Variants in PLCH1 observed in about 807,000 individuals in gnomAD.
PLCH1 encodes the protein 1-phosphatidylinositol 4,5-bisphosphate phosphodiesterase eta-1.
PLCH1 carries 60 observed loss-of-function variants against 126.7 expected under a neutral mutation model. The observed-to-expected ratio is 0.47, with a 90% confidence interval of 0.38 to 0.59. The LOEUF is 0.59. Among genes scored for constraint, PLCH1 ranks in the 20% least tolerant of loss-of-function variants. The pLI, the probability that PLCH1 is intolerant of heterozygous loss-of-function variation, is 0.00. For synonymous variants in PLCH1, 719 were observed against 734.9 expected (o/e 0.98, Z 0.35); for missense variants, 1,723 against 2,040.0 (o/e 0.84, Z 2.99).
At chr3:155,580,136 C>G (rs1156772417) in intron 6 of PLCH1, among the ~76,000 whole-genome samples, 1 of 152,146 alleles carries the variant, frequency 6.6e-6, no homozygotes, top group Non-Finnish European at 1.5e-5. Flanking sequence ...TAAAAGTGAT[C>G]CATTTAATAA....
intron 8 of PLCH1, among the ~76,000 whole-genome samples, chr3:155,558,636 T>C (rs1192732892): frequency 6.6e-6 from 1 of 152,234 alleles, no homozygotes; most frequent in African/African-American, 2.4e-5. Flanking sequence ...TTTTACTGTA[T>C]CACCTTTCCT....
At chr3:155,469,224 G>A (rs887236512) in intron 21 of PLCH1, among the ~76,000 whole-genome samples, 5 of 152,162 alleles carry the variant, frequency 3.3e-5, no homozygotes, top group Admixed American at 6.5e-5. Context: ...TGTGCGCACC[G>A]TGTGCGAGCC....
chr3:155,645,762 T>C (rs984396896), intron 2 of PLCH1, among the ~76,000 whole-genome samples: 1 of 151,948 alleles, frequency 6.6e-6, no homozygotes, highest in Non-Finnish European at 1.5e-5. Flanking sequence ...CACAGTTCCC[T>C]AGAAACAGGA....
intron 10 of PLCH1, among the ~76,000 whole-genome samples, chr3:155,531,512 C>A (rs1722670480): frequency 6.6e-6 from 1 of 152,202 alleles, no homozygotes; most frequent in South Asian, 2.1e-4. Context: ...GTAATCCCAG[C>A]TACTTGGGAA....
chr3:155,527,770 A>C (rs552158785), intron 10 of PLCH1, among the ~76,000 whole-genome samples: 3 of 152,018 alleles, frequency 2.0e-5, no homozygotes, highest in East Asian at 3.9e-4. Flanking sequence ...AAATACAAAA[A>C]TTAGCCAGGC....
intron 8 of PLCH1, 87 bp downstream of exon 8, chr3:155,564,828 G>A: frequency 1.3e-6 from 1 of 789,928 alleles, no homozygotes; most frequent in Non-Finnish European, 2.2e-6. Flanking sequence ...GTGTGTTTTA[G>A]GTCTCCATTC....
chr3:155,511,787 G>A (rs528900672), intron 12 of PLCH1, among the ~76,000 whole-genome samples: 5 of 150,600 alleles, frequency 3.3e-5, no homozygotes, highest in African/African-American at 9.8e-5. Context: ...AGTCTGCAGA[G>A]GTTACTGCTG....
chr3:155,640,441 G>A (rs1429086009), intron 2 of PLCH1, among the ~76,000 whole-genome samples: 1 of 152,102 alleles, frequency 6.6e-6, no homozygotes, highest in Non-Finnish European at 1.5e-5. Context: ...GCCACTGAAC[G>A]TTTTAAGCAG....
Position 155,554,162 on chromosome 3 carries a change from T to C in PLCH1, c.1104A>G (p.Val368=), listed in dbSNP as rs754907886. 1.2e-5 allele frequency: 19 copies of C among 1,613,590 alleles called. No individual in the cohort carries two copies. The highest frequency in any genetic ancestry group is 1.4e-5 in the Non-Finnish European group (17 of 1,179,656). Residue 368 remains valine, a synonymous_variant, in exon 9 of 23, where the codon GTA becomes GTG. Coordinates refer to ENST00000460012, the MANE Select transcript of PLCH1 (RefSeq NM_014996.4). ...AAGTGAGAGTGTAACCATGATGTAC[T>C]ACTGGCTCTCCATCTGGGCCATCCC... The part of the protein sequence containing the change: ...DCWDGPDGEP[V]VHHGYTLTSK...
chr3:155,683,273 G>T lies in PLCH1; in HGVS notation c.79+20873C>A, dbSNP rs529803341. On this transcript the variant is annotated intron_variant, in intron 2 of 22. Coordinates refer to ENST00000460012, the MANE Select transcript of PLCH1 (RefSeq NM_014996.4). ...AGACTCTTGGTTTTCATTATTTTTT[G>T]AAAGACTTGATTGTTTATTGGTCAT... Among the ~76,000 whole-genome samples the T allele has an allele frequency of 9.2e-5, 14 of 152,148 alleles. No individual in the cohort carries two copies. In the South Asian group the frequency reaches 2.7e-3, roughly 29 times the overall value.
At chr3:155,455,886 A>G (rs1248176184) in intron 21 of PLCH1, among the ~76,000 whole-genome samples, 1 of 152,228 alleles carries the variant, frequency 6.6e-6, no homozygotes, top group African/African-American at 2.4e-5. Context: ...TGAAAGCACA[A>G]TCACAAATGA....
At chr3:155,707,024 C>A (rs755346702) in intron 1 of PLCH1, among the ~76,000 whole-genome samples, 3 of 152,090 alleles carry the variant, frequency 2.0e-5, no homozygotes, top group Non-Finnish European at 4.4e-5. Context: ...AGTCTCCACC[C>A]TTATGATTAG....
chr3:155,692,718 C>T (rs1303217927), intron 2 of PLCH1, among the ~76,000 whole-genome samples: 1 of 152,056 alleles, frequency 6.6e-6, no homozygotes, highest in Non-Finnish European at 1.5e-5. Flanking sequence ...TCATTCTCCT[C>T]ATTAGCGAAA....
intron 10 of PLCH1, among the ~76,000 whole-genome samples, chr3:155,537,091 A>C (rs919804373): frequency 6.6e-6 from 1 of 151,952 alleles, no homozygotes; most frequent in South Asian, 2.1e-4. Flanking sequence ...AAATAAGGGA[A>C]AGATAAAGTC....
chr3:155,553,130 T>C, intron 9 of PLCH1, among the ~76,000 whole-genome samples: 1 of 152,170 alleles, frequency 6.6e-6, no homozygotes, highest in East Asian at 1.9e-4. Context: ...TTTTTATTTT[T>C]CTGAGATGGA....
At chr3:155,610,534 G>A (rs998650560) in intron 2 of PLCH1, among the ~76,000 whole-genome samples, 3 of 152,076 alleles carry the variant, frequency 2.0e-5, no homozygotes, top group African/African-American at 4.8e-5. Flanking sequence ...AACCCTATAA[G>A]CTAGTAGAAA....
chr3:155,554,247 T>G lies in PLCH1; in HGVS notation c.1070-51A>C, dbSNP rs1420674371. 1.9e-6 allele frequency: 3 copies of G among 1,576,946 alleles called. No homozygotes were observed. The African/African-American group carries it at 4.1e-5, about 21-fold the overall frequency. ...ACAACCCAAAGTCTCTGGTGTTTATTAATATTTCTGGAAATACCAGACACA... is the reference window on the plus strand; with the variant it reads ...ACAACCCAAAGTCTCTGGTGTTTATGAATATTTCTGGAAATACCAGACACA... On this transcript the variant is annotated intron_variant, in intron 8 of 22. Transcript: ENST00000460012.
At chr3:155,451,067 T>A (rs1030940477) in intron 21 of PLCH1, among the ~76,000 whole-genome samples, 4 of 152,020 alleles carry the variant, frequency 2.6e-5, no homozygotes, top group Non-Finnish European at 4.4e-5. Flanking sequence ...GTAACAAAAT[T>A]AATAATGAGA....
intron 1 of PLCH1, among the ~76,000 whole-genome samples, chr3:155,706,672 TC>T (rs1746699197): frequency 6.6e-6 from 1 of 151,352 alleles, no homozygotes; most frequent in African/African-American, 2.4e-5. Context: ...AAAGGTAGAA[TC>T]TAAATTCACC....
Sources: gnomAD v4.1 joint callset for allele counts (sites outside exome capture counted in the v4.1 genomes callset) on GRCh38, gnomAD v4.1.1 for gene constraint, MANE v1.5 for transcripts, NCBI Gene and HGNC (gene_info 2026-07-23, HGNC 2026-07-21) for gene names.